Variants in RPRD1B observed in about 807,000 individuals in gnomAD.
RPRD1B encodes the protein regulation of nuclear pre-mRNA domain-containing protein 1B.
RPRD1B carries 11 observed loss-of-function variants against 41.5 expected under a neutral mutation model. The ratio of observed to expected loss-of-function variants is 0.27; its 90% confidence interval spans 0.17 to 0.44. The LOEUF (loss-of-function observed/expected upper bound fraction) is 0.44, where lower values mean the gene tolerates loss of function less well. Ranked by LOEUF, RPRD1B falls within the 20% of genes least tolerant of loss-of-function variation. RPRD1B has a pLI of 1.00. For synonymous variants in RPRD1B, 158 were observed against 155.6 expected, an observed-to-expected ratio of 1.02 and a Z score of -0.12; for missense variants, 248 against 389.9, an observed-to-expected ratio of 0.64 and a Z score of 3.06.
At chr20:38,079,322 T>G (rs2074492692) in intron 6 of RPRD1B, among the ~76,000 whole-genome samples, 2 of 152,206 alleles carry the variant, frequency 1.3e-5, no homozygotes, top group Admixed American at 1.3e-4. Flanking sequence ...GTACATTGTG[T>G]GTCACAGGTA....
intron 2 of RPRD1B, among the ~76,000 whole-genome samples, chr20:38,047,839 T>C (rs1001251991): frequency 6.6e-6 from 1 of 152,202 alleles, no homozygotes; most frequent in Non-Finnish European, 1.5e-5. Flanking sequence ...AATTATGCAG[T>C]GGTTAGAACT....
At position 38,074,089 on chromosome 20, in the gene RPRD1B, C is replaced by T. The variant is rs144647505; in HGVS notation, c.831+7833C>T. ...CTCAGTACCTTCCCACGAAGCAGGCCGTAGTGTGCTTACTGCTCTCCCTTG... is the reference window on the plus strand; with the variant it reads ...CTCAGTACCTTCCCACGAAGCAGGCTGTAGTGTGCTTACTGCTCTCCCTTG... On this transcript the variant is annotated intron_variant, in intron 6 of 6. Transcript: ENST00000373433. Among the ~76,000 whole-genome samples, 15 of 152,296 alleles carry T rather than the reference C, an allele frequency of 9.8e-5. No homozygotes were observed. In the East Asian group the frequency reaches 2.5e-3, roughly 25 times the overall value.
chr20:38,049,247 T>C (rs2074154371), intron 3 of RPRD1B, among the ~76,000 whole-genome samples: 1 of 151,922 alleles, frequency 6.6e-6, no homozygotes, highest in Admixed American at 6.6e-5. Context: ...TGCGCCCAGC[T>C]TAAAACTGAT....
At chr20:38,086,580 C>T (rs1021379176) in intron 6 of RPRD1B, among the ~76,000 whole-genome samples, 2 of 152,200 alleles carry the variant, frequency 1.3e-5, no homozygotes, top group African/African-American at 4.8e-5. Flanking sequence ...AGCAGTCTGT[C>T]TGCCTCAGCC....
Position 38,057,607 on chromosome 20 carries a change from G to C in RPRD1B, c.491G>C (p.Ser164Thr). 3 of 1,614,146 alleles carry C rather than the reference G, an allele frequency of 1.9e-6. No homozygotes were observed. The highest frequency in any genetic ancestry group is 2.5e-6 in the Non-Finnish European group (3 of 1,179,972). ...QEEEDDDYPG[S>T]YSPQDPSAGP... The stretch of plus-strand genomic sequence containing the variant: ...GAGGAGGATGACGACTACCCTGGCA[G>C]CTACTCTCCTCAGGATCCTTCTGCA... Residue 164 changes from serine (S) to threonine (T), a missense_variant, in exon 4 of 7, where the codon AGC (serine) becomes ACC (threonine). Ser to Thr is a moderately conservative substitution (Grantham distance 58). This residue lies in a region of RPRD1B where 94 missense variants were observed against 82.3 expected (regional missense o/e 1.14). Transcript: ENST00000373433.
At chr20:38,084,223 C>A (rs146343031) in intron 6 of RPRD1B, among the ~76,000 whole-genome samples, 390 of 152,104 alleles carry the variant, frequency 2.6e-3, no homozygotes, top group African/African-American at 8.4e-3. Context: ...ATGAAGCAGT[C>A]CTTTGACTTA....
chr20:38,049,374 T>C lies in RPRD1B; in HGVS notation c.415+893T>C, dbSNP rs1167638708. ...TTTTTTCTTTCTTTTTTTCTTTTTT[T>C]TTTTTTTTTTTTTTGAGACAGAGTC... On this transcript the variant is annotated intron_variant, in intron 3 of 6. Coordinates refer to ENST00000373433, the MANE Select transcript of RPRD1B (RefSeq NM_021215.4). Among the ~76,000 whole-genome samples, 9 of 136,730 alleles carry C rather than the reference T, an allele frequency of 6.6e-5. No individual in the cohort carries two copies. The South Asian group carries it at 1.2e-3, about 19-fold the overall frequency. 89.7% of individuals were successfully genotyped at this position (136,730 alleles called of 152,430 possible). A position where few individuals can be genotyped will look rare whatever the true frequency, so the allele number is the denominator to read the frequency against.
chr20:38,048,574 A>G, intron 3 of RPRD1B, 93 bp downstream of exon 3: 1 of 1,497,542 alleles, frequency 6.7e-7, no homozygotes, highest in South Asian at 1.4e-5. Context: ...GTGAACCACC[A>G]GCGATTTTAT....
chr20:38,084,812 G>T (rs2074545511), intron 6 of RPRD1B, among the ~76,000 whole-genome samples: 1 of 152,190 alleles, frequency 6.6e-6, no homozygotes, highest in African/African-American at 2.4e-5. Context: ...CTTTATCTCA[G>T]AACTACACAT....
chr20:38,058,879 T>C (rs773982137), intron 4 of RPRD1B, among the ~76,000 whole-genome samples: 1 of 152,096 alleles, frequency 6.6e-6, no homozygotes, highest in Non-Finnish European at 1.5e-5. Flanking sequence ...GCTTATTATT[T>C]TATTTTAATT....
chr20:38,070,450 C>A (rs1025579324), intron 6 of RPRD1B: 2 of 985,352 alleles, frequency 2.0e-6, no homozygotes, highest in African/African-American at 1.7e-5. Context: ...GCCAAAGATA[C>A]CAGAAAAGCC....
intron 2 of RPRD1B, among the ~76,000 whole-genome samples, chr20:38,044,336 C>G (rs2122699861): frequency 6.6e-6 from 1 of 150,574 alleles, no homozygotes; most frequent in Middle Eastern, 3.5e-3. Flanking sequence ...CACCCTCTGC[C>G]AAAATTCTAA....
chr20:38,044,995 C>G (rs540108414), intron 2 of RPRD1B, among the ~76,000 whole-genome samples: 6 of 152,120 alleles, frequency 3.9e-5, no homozygotes, highest in Non-Finnish European at 8.8e-5. Context: ...AGAAAAGGCC[C>G]CCAAGGCTGG....
In RPRD1B at chr20:38,090,006, T is replaced by G; in HGVS notation, c.*131T>G. 1 of 1,457,246 alleles carries G rather than the reference T, an allele frequency of 6.9e-7. No homozygotes were observed. The highest frequency in any genetic ancestry group is 9.0e-7 in the Non-Finnish European group (1 of 1,109,394). The allele number at this position is 1,457,246 out of a possible 1,614,324, so 90.3% of individuals were successfully genotyped here. A position where few individuals can be genotyped will look rare whatever the true frequency, so the allele number is the denominator to read the frequency against. On this transcript the variant is annotated 3_prime_UTR_variant, in exon 7 of 7. Coordinates refer to ENST00000373433, the MANE Select transcript of RPRD1B (RefSeq NM_021215.4). The stretch of plus-strand genomic sequence containing the variant: ...AGCCCCCCAGCCTCAAGAAAGAACC[T>G]CAGACTCTGATTCTCCTCTTCAGCC...
chr20:38,035,570 A>G (rs918188952), intron 1 of RPRD1B, among the ~76,000 whole-genome samples: 1 of 152,126 alleles, frequency 6.6e-6, no homozygotes, highest in Non-Finnish European at 1.5e-5. Context: ...CTGTACTGAG[A>G]TAGGGATCCC....
In RPRD1B at chr20:38,033,758, T is replaced by C; in HGVS notation, c.-190T>C. The C allele has an allele frequency of 1.7e-6, 1 of 576,682 alleles. No individual in the cohort carries two copies. The highest frequency in any genetic ancestry group is 3.0e-6 in the Non-Finnish European group (1 of 333,474). 35.7% of individuals were successfully genotyped at this position (576,682 alleles called of 1,614,324 possible). A position where few individuals can be genotyped will look rare whatever the true frequency, so the allele number is the denominator to read the frequency against. On this transcript the variant is annotated 5_prime_UTR_variant, in exon 1 of 7. Transcript: ENST00000373433. Reference sequence around the variant, plus strand: ...GGCAGGGTGAGAGGTCGGGTGGCCATCTTGTGGCGGCGGCGCGGGCGGCTG... The same window carrying C: ...GGCAGGGTGAGAGGTCGGGTGGCCACCTTGTGGCGGCGGCGCGGGCGGCTG...
intron 5 of RPRD1B, among the ~76,000 whole-genome samples, chr20:38,065,640 TG>T (rs1267986870): frequency 6.6e-6 from 1 of 152,236 alleles, no homozygotes; most frequent in Admixed American, 6.5e-5. Context: ...TGGGGTTTTT[TG>T]GTCTGAGTAT....
intron 6 of RPRD1B, among the ~76,000 whole-genome samples, chr20:38,089,185 TA>T (rs1041475903): frequency 4.6e-5 from 7 of 152,182 alleles, no homozygotes; most frequent in Admixed American, 2.0e-4. Flanking sequence ...ACCAGGGACT[TA>T]CTGCAGTGAC....
chr20:38,053,160 T>A (rs1395486411), intron 3 of RPRD1B, among the ~76,000 whole-genome samples: 2 of 152,092 alleles, frequency 1.3e-5, no homozygotes, highest in Non-Finnish European at 2.9e-5. Context: ...AGAAGCTGAA[T>A]TGATAGTGGA....
Sources: allele counts gnomAD v4.1 joint callset (sites outside exome capture counted in the v4.1 genomes callset), GRCh38; gene constraint gnomAD v4.1.1; regional missense constraint gnomAD v4.1.1; transcripts MANE v1.5; gene names NCBI Gene and HGNC (gene_info 2026-07-23, HGNC 2026-07-21).